The following RCC2 variants were observed in gnomAD, a reference collection of about 807,000 sequenced individuals.
The protein encoded by RCC2 is protein RCC2.
RCC2 carries 19 observed loss-of-function variants against 64.1 expected under a neutral mutation model. The observed-to-expected ratio is 0.30, with a 90% CI of 0.21 to 0.44. The LOEUF (loss-of-function observed/expected upper bound fraction) is 0.44. Ranked by LOEUF, RCC2 falls within the 20% of genes least tolerant of loss-of-function variation. The pLI, the probability that RCC2 is intolerant of heterozygous loss-of-function variation, is 1.00. For missense variants in RCC2, 508 were observed against 710.4 expected (o/e 0.72, Z 3.24); for synonymous variants, 325 against 279.6 (o/e 1.16, Z -1.62).
chr1:17,431,531 A>T (rs1473388600), intron 2 of RCC2, among the ~76,000 whole-genome samples: 17 of 147,702 alleles, frequency 1.2e-4, no homozygotes, highest in Non-Finnish European at 2.1e-4. Flanking sequence ...AGAAAGAAAG[A>T]AAAAGAAAAA....
intron 2 of RCC2, among the ~76,000 whole-genome samples, chr1:17,434,012 T>TG (rs149969873): frequency 3.3e-4 from 51 of 152,312 alleles, no homozygotes; most frequent in Non-Finnish European, 6.3e-4. Context: ...TACAAAGACC[T>TG]GGGCAGCTTG....
chr1:17,435,910 C>T (rs2075730686), intron 2 of RCC2, among the ~76,000 whole-genome samples: 1 of 136,882 alleles, frequency 7.3e-6, no homozygotes, highest in Non-Finnish European at 1.5e-5. Context: ...AACAGCTAAA[C>T]TCCAGCTCAA....
chr1:17,428,704 C>T (rs140031834), intron 3 of RCC2, among the ~76,000 whole-genome samples: 5 of 152,338 alleles, frequency 3.3e-5, no homozygotes, highest in African/African-American at 9.6e-5. Flanking sequence ...TGCAAAGAAA[C>T]GTGGACTCTT....
intron 4 of RCC2, 148 bp downstream of exon 4, chr1:17,425,392 TG>T: frequency 2.6e-6 from 2 of 779,342 alleles, no homozygotes; most frequent in Non-Finnish European, 3.8e-6. Context: ...AGAGACGAGC[TG>T]GGAATTAGGA....
rs959771872 is a variant in RCC2, at chr1:17,438,320, C to T, written c.195G>A (p.Gly65=). The T allele has an allele frequency of 8.1e-7, 1 of 1,240,352 alleles. No individual in the cohort carries two copies. The highest frequency in any genetic ancestry group is 1.0e-6 in the Non-Finnish European group (1 of 986,274). The allele number at this position is 1,240,352 out of a possible 1,614,324, so 76.8% of individuals were successfully genotyped here. The change falls in exon 2 of 13, where the codon GGG becomes GGA. Residue 65 remains glycine (G), a synonymous_variant. Transcript: ENST00000375436. ...TCGCCGGCCGCGCCGCGCGCTTGCC[C>T]CCGCCGGGGGCCCCGTCGAGCTCCA... ...DGLELDGAPG[G]GKRAARPATA... is the part of the protein sequence containing the mutation.
intron 2 of RCC2, among the ~76,000 whole-genome samples, chr1:17,436,197 C>T (rs2075733738): frequency 6.6e-6 from 1 of 152,192 alleles, no homozygotes; most frequent in African/African-American, 2.4e-5. Flanking sequence ...GCTGTTTACT[C>T]ACATTAAGAC....
At position 17,438,332 on chromosome 1, in the gene RCC2, C is replaced by T. The variant is rs2075764957; in HGVS notation, c.183G>A (p.Gly61=). ...SGDEDGLELD[G]APGGGKRAAR... ...CCGCGCGCTTGCCCCCGCCGGGGGCCCCGTCGAGCTCCAGGCCGTCCTCGT... is the reference window on the plus strand; with the variant it reads ...CCGCGCGCTTGCCCCCGCCGGGGGCTCCGTCGAGCTCCAGGCCGTCCTCGT... Residue 61 remains glycine (G), a synonymous_variant, in exon 2 of 13, where the codon GGG becomes GGA. Transcript: ENST00000375436. 4.0e-6 allele frequency: 5 copies of T among 1,248,982 alleles called. No homozygotes were observed. Among genetic ancestry groups the T allele is most frequent in the African/African-American group, 1.6e-5 (1 of 62,718 alleles). 77.4% of individuals were successfully genotyped at this position (1,248,982 alleles called of 1,614,324 possible).
In RCC2 at chr1:17,438,271, C is replaced by G. The variant is rs771584794; in HGVS notation, c.244G>C (p.Ala82Pro). 1 of 1,309,064 alleles carries G rather than the reference C, an allele frequency of 7.6e-7. No individual in the cohort carries two copies. Among genetic ancestry groups the G allele is most frequent in the South Asian group, 1.7e-5 (1 of 58,226 alleles). The allele number at this position is 1,309,064 out of a possible 1,614,324, so 81.1% of individuals were successfully genotyped here. Residue 82 changes from alanine to proline, a missense_variant, in exon 2 of 13, where the codon GCC (alanine) becomes CCC (proline). Ala to Pro is a conservative substitution (Grantham distance 27). Around this residue, in one of 4 missense-constraint regions of RCC2, gnomAD observed 195 missense variants for 158.3 expected, o/e 1.23. Transcript: ENST00000375436. ...PATAGKAGGA[A>P]VVITEPEHTK... ...TGCTCGGGTTCGGTGATGACCACGG[C>G]CGCGCCGCCCGCCTTGCCTGCTGTC... is the stretch of plus-strand genomic sequence containing the variant.
chr1:17,423,339 C>T (rs573505134), intron 4 of RCC2, among the ~76,000 whole-genome samples: 2 of 152,190 alleles, frequency 1.3e-5, no homozygotes, highest in Non-Finnish European at 1.5e-5. Flanking sequence ...CTTTTTCTAC[C>T]CTGTAAATGG....
chr1:17,431,359 A>AAAAAAAAAAATATATATATAT (rs1553158471), intron 2 of RCC2, among the ~76,000 whole-genome samples: 1 of 44,938 alleles, frequency 2.2e-5, no homozygotes, highest in Non-Finnish European at 3.8e-5. Context: ...AAAAAAAAAA[A>AAAAAAAAAAATATATATATAT]ATATATATAT....
At chr1:17,435,895 GCAA>G (rs1305322832) in intron 2 of RCC2, among the ~76,000 whole-genome samples, 1 of 146,352 alleles carries the variant, frequency 6.8e-6, no homozygotes, top group Non-Finnish European at 1.5e-5. Context: ...TCCAACCTGG[GCAA>G]CAACAGCTAA....
chr1:17,422,610 A>G, intron 5 of RCC2, 95 bp downstream of exon 5: 1 of 1,487,384 alleles, frequency 6.7e-7, no homozygotes, highest in Admixed American at 2.1e-5. Context: ...ACCAAGAGTC[A>G]CAAGGGGAAC....
intron 2 of RCC2, among the ~76,000 whole-genome samples, chr1:17,430,893 T>C (rs1212158555): frequency 1.3e-5 from 2 of 151,834 alleles, no homozygotes; most frequent in East Asian, 4.0e-4. Flanking sequence ...ATTTTGTGTG[T>C]TTTTAGTAGA....
intron 11 of RCC2, among the ~76,000 whole-genome samples, chr1:17,410,878 C>A (rs1239880581): frequency 6.6e-6 from 1 of 152,192 alleles, no homozygotes; most frequent in Non-Finnish European, 1.5e-5. Context: ...AGGTCAAAGT[C>A]TATTTCTGAT....
chr1:17,431,288 C>A (rs1437483459), intron 2 of RCC2, among the ~76,000 whole-genome samples: 1 of 133,888 alleles, frequency 7.5e-6, no homozygotes. Context: ...GAGCCAAGAT[C>A]GCACCACTGC....
chr1:17,437,887 G>A (rs990087138), intron 2 of RCC2, among the ~76,000 whole-genome samples: 2 of 145,442 alleles, frequency 1.4e-5, no homozygotes, highest in Non-Finnish European at 3.1e-5. Flanking sequence ...CCTTTCCCGG[G>A]GCGGGGGGGG....
chr1:17,413,163 C>G lies in RCC2; in HGVS notation c.1223G>C (p.Trp408Ser). The change falls in exon 10 of 13, where the codon TGG (tryptophan) becomes TCG (serine). Residue 408 changes from tryptophan (W) to serine (S), a missense_variant. By Grantham distance (177) the Trp-to-Ser change is radical (BLOSUM62 -3). This residue lies in a region of RCC2 where 179 missense variants were observed against 322.0 expected (regional missense o/e 0.56). Transcript: ENST00000375436. Reference sequence around the variant, plus strand: ...TTCACGGGAGGTGTTGGTGGCCCCCCAGAAAAACAGACCACCTAAGGGAAG... The same window carrying G: ...TTCACGGGAGGTGTTGGTGGCCCCCGAGAAAAACAGACCACCTAAGGGAAG... ...AVSEVGGLFF[W>S]GATNTSREST... 6.2e-7 allele frequency: 1 copy of G among 1,613,488 alleles called. No homozygotes were observed.
intron 1 of RCC2, 73 bp from the exon 2 acceptor site, chr1:17,438,595 G>A (rs920827978): frequency 3.2e-6 from 4 of 1,244,200 alleles, no homozygotes; most frequent in African/African-American, 1.5e-5. Flanking sequence ...GAGCGGAGAC[G>A]AGCCACCCGG....
At chr1:17,421,878 A>G (rs2100371650) in intron 6 of RCC2, among the ~76,000 whole-genome samples, 1 of 152,166 alleles carries the variant, frequency 6.6e-6, no homozygotes, top group African/African-American at 2.4e-5. Context: ...ATACAAAATT[A>G]GCCAGGTGTG....
Sources: allele counts gnomAD v4.1 joint callset (sites outside exome capture counted in the v4.1 genomes callset), GRCh38; gene constraint gnomAD v4.1.1; regional missense constraint gnomAD v4.1.1; transcripts MANE v1.5; gene names NCBI Gene and HGNC (gene_info 2026-07-23, HGNC 2026-07-21).